Variants in PRUNE2 observed in about 807,000 individuals in gnomAD.
PRUNE2 encodes protein prune homolog 2.
In PRUNE2, 164 loss-of-function variants were observed where a neutral mutation model predicts 252.0. The observed-to-expected ratio is 0.65, with a 90% CI of 0.57 to 0.74. The LOEUF (loss-of-function observed/expected upper bound fraction) is 0.74. Among genes scored for constraint, PRUNE2 ranks in the 30% least tolerant of loss-of-function variants. The probability of loss-of-function intolerance (pLI) is 0.00; values close to 1 mark genes in which losing one functional copy is unlikely to be tolerated. For missense variants in PRUNE2, 3,495 were observed against 3,711.0 expected (o/e 0.94, Z 1.51); for synonymous variants, 1,292 against 1,350.2 (o/e 0.96, Z 0.94).
chr9:76,674,383 C>A (rs1427092051), intron 9 of PRUNE2, among the ~76,000 whole-genome samples: 1 of 152,182 alleles, frequency 6.6e-6, no homozygotes, highest in African/African-American at 2.4e-5. Flanking sequence ...GAACTACACT[C>A]ACTTGAGCAC....
intron 2 of PRUNE2, among the ~76,000 whole-genome samples, chr9:76,852,206 G>A (rs1324788810): frequency 1.3e-5 from 2 of 152,242 alleles, no homozygotes; most frequent in African/African-American, 4.8e-5. Context: ...CTCCAACAAA[G>A]TGGGTTTTCT....
At position 76,704,859 on chromosome 9, in the gene PRUNE2, C is replaced by T; in HGVS notation, c.7415G>A (p.Gly2472Glu). The change falls in exon 8 of 19, where the codon GGA (glycine) becomes GAA (glutamate). Residue 2472 changes from glycine to glutamate, a missense_variant. Physicochemically the swap from Gly to Glu is moderately conservative, Grantham distance 98 (BLOSUM62 -2). Transcript: ENST00000376718. ...EDPESVYLPVGAGSNILSPSN... is the reference protein window; with the variant it reads ...EDPESVYLPVEAGSNILSPSN... ...TGGAGACAAAATGTTGGAGCCTGCTCCTACCGGCAAATAAACGGACTCAGG... is the reference window on the plus strand; with the variant it reads ...TGGAGACAAAATGTTGGAGCCTGCTTCTACCGGCAAATAAACGGACTCAGG... 1.9e-6 allele frequency: 3 copies of T among 1,602,500 alleles called. No homozygotes were observed. Among genetic ancestry groups the T allele is most frequent in the Non-Finnish European group, 2.6e-6 (3 of 1,173,792 alleles).
Position 76,730,002 on chromosome 9 carries a change from A to T in PRUNE2, c.757-16281T>A, listed in dbSNP as rs117951260. ...TTTTCTTGAGAGCATGTTTCATTTCATTTTCTTGTCTTTCCAAAGCATTAA... is the reference window on the plus strand; with the variant it reads ...TTTTCTTGAGAGCATGTTTCATTTCTTTTTCTTGTCTTTCCAAAGCATTAA... On this transcript the variant is annotated intron_variant, in intron 6 of 18. Transcript: ENST00000376718. 7.2e-4 allele frequency among the ~76,000 whole-genome samples: 109 copies of T among 152,264 alleles called. 3 individuals are homozygous for T. In the East Asian group the frequency reaches 0.02, roughly 28 times the overall value.
rs375799109 is a variant in PRUNE2, at chr9:76,707,295, C to G, written c.4979G>C (p.Ser1660Thr). 6.2e-7 allele frequency: 1 copy of G among 1,613,930 alleles called. No individual in the cohort carries two copies. Among genetic ancestry groups the G allele is most frequent in the East Asian group, 2.2e-5 (1 of 44,888 alleles). ...GTCATGTTCATTTTTCTCCTGGTAG[C>G]TAGCAATTAGATTGCTTTCCTGATG... is the stretch of plus-strand genomic sequence containing the variant. ...GTHQESNLIA[S>T]YQEKNEHDIS... The change falls in exon 8 of 19, where the codon AGC (serine) becomes ACC (threonine). Residue 1660 changes from serine to threonine, a missense_variant. Ser to Thr is a moderately conservative substitution (Grantham distance 58, BLOSUM62 1). Coordinates refer to ENST00000376718, the MANE Select transcript of PRUNE2 (RefSeq NM_015225.3).
rs2046591417 is a variant in PRUNE2 at position 76,709,916 on chromosome 9, T to C, written c.2358A>G (p.Thr786=). 2 of 1,613,852 alleles carry C rather than the reference T, an allele frequency of 1.2e-6. No homozygotes were observed. The highest frequency in any genetic ancestry group is 2.2e-5 in the South Asian group (2 of 91,064). ...TAMPEPWGNP[T]DDGEPAAVAP... ...CCACAGCTGCTGGTTCACCATCATC[T>C]GTAGGATTTCCCCAGGGCTCGGGCA... Residue 786 remains threonine, a synonymous_variant, in exon 8 of 19, where the codon ACA becomes ACG. Coordinates refer to ENST00000376718, the MANE Select transcript of PRUNE2 (RefSeq NM_015225.3).
In PRUNE2 at chr9:76,612,204, T is replaced by C. The variant is rs375685189; in HGVS notation, c.*2366A>G. 5 of 152,202 alleles carry C rather than the reference T, an allele frequency of 3.3e-5. No homozygotes were observed. Among genetic ancestry groups the C allele is most frequent in the African/African-American group, 1.2e-4 (5 of 41,454 alleles). 9.4% of individuals were successfully genotyped at this position (152,202 alleles called of 1,614,324 possible). The stretch of plus-strand genomic sequence containing the variant: ...CTACAGAACAGCTGAAACAAAATCA[T>C]TGGGACAAATGCCCATAATTTTCAT... On this transcript the variant is annotated 3_prime_UTR_variant, in exon 19 of 19. Transcript: ENST00000376718.
intron 9 of PRUNE2, among the ~76,000 whole-genome samples, chr9:76,663,483 C>A (rs910254687): frequency 3.3e-5 from 5 of 152,158 alleles, no homozygotes; most frequent in African/African-American, 1.2e-4. Flanking sequence ...GTGGGGGACA[C>A]GACGCAGCCT....
chr9:76,705,040 C>T lies in PRUNE2; in HGVS notation c.7234G>A (p.Glu2412Lys). The part of the protein sequence containing the change: ...TEPAQSAETI[E>K]EAGSPEDESL... The stretch of plus-strand genomic sequence containing the variant: ...TCATCCTCTGGAGACCCAGCTTCCT[C>T]TATTGTTTCAGCACTCTGGGCAGGT... Residue 2412 changes from glutamate (E) to lysine (K), a missense_variant, in exon 8 of 19, where the codon GAG becomes AAG. Physicochemically the swap from Glu to Lys is moderately conservative, Grantham distance 56 (BLOSUM62 1). Coordinates refer to ENST00000376718, the MANE Select transcript of PRUNE2 (RefSeq NM_015225.3). The T allele has an allele frequency of 1.2e-6, 2 of 1,613,982 alleles. No homozygotes were observed. The highest frequency in any genetic ancestry group is 1.7e-6 in the Non-Finnish European group (2 of 1,179,874).
chr9:76,830,117 G>C (rs2058583918), intron 4 of PRUNE2, among the ~76,000 whole-genome samples: 1 of 152,094 alleles, frequency 6.6e-6, no homozygotes, highest in Admixed American at 6.6e-5. Context: ...GATGCATGGG[G>C]GAAAAGATTA....
intron 1 of PRUNE2, among the ~76,000 whole-genome samples, chr9:76,863,619 T>C (rs1427951102): frequency 6.6e-6 from 1 of 152,238 alleles, no homozygotes; most frequent in African/African-American, 2.4e-5. Flanking sequence ...TTATTTAATA[T>C]GACATTATCA....
intron 4 of PRUNE2, among the ~76,000 whole-genome samples, chr9:76,839,118 T>C (rs11791154): frequency 0.19 from 28,167 of 152,030 alleles, 3,353 homozygotes; most frequent in African/African-American, 0.32. Context: ...ACATTAAGAA[T>C]GTTAGAAGGA....
In PRUNE2 at chr9:76,791,329, T is replaced by C. The variant is rs2055535719; in HGVS notation, c.756+32303A>G. ...CCAATTATCATTGGTACAATAATAC[T>C]GCACCAATTATCATTGGTACAATAA... On this transcript the variant is annotated intron_variant, in intron 6 of 18. Coordinates refer to ENST00000376718, the MANE Select transcript of PRUNE2 (RefSeq NM_015225.3). Among the ~76,000 whole-genome samples, 11 of 3,308 alleles carry C rather than the reference T, an allele frequency of 3.3e-3. No individual in the cohort carries two copies. In the South Asian group the frequency reaches 0.12, roughly 38 times the overall value. 2.2% of individuals were successfully genotyped at this position (3,308 alleles called of 152,430 possible).
At position 76,866,652 on chromosome 9, in the gene PRUNE2, C is replaced by A. The variant is rs969425790; in HGVS notation, c.37-12444G>T. Among the ~76,000 whole-genome samples, 6 of 150,544 alleles carry A rather than the reference C, an allele frequency of 4.0e-5. 1 individual carries two copies. The highest frequency in any genetic ancestry group is 8.8e-5 in the Non-Finnish European group (6 of 67,892). ...GAGTTCTCTTTGGCCTCTCTGCTGA[C>A]GTATGTTTGAAAACTTAAGTACAAA... is the stretch of plus-strand genomic sequence containing the variant. On this transcript the variant is annotated intron_variant, in intron 1 of 18. Coordinates refer to ENST00000376718, the MANE Select transcript of PRUNE2 (RefSeq NM_015225.3).
Position 76,708,081 on chromosome 9 carries a change from T to A in PRUNE2, c.4193A>T (p.Glu1398Val). ...VTFSPQTEEP[E>V]EVLEYEEGSY... ...CCCCTCCTCATACTCTAAAACTTCCTCTGGTTCCTCGGTTTGAGGACTGAA... is the reference window on the plus strand; with the variant it reads ...CCCCTCCTCATACTCTAAAACTTCCACTGGTTCCTCGGTTTGAGGACTGAA... Residue 1398 changes from glutamate to valine, a missense_variant, in exon 8 of 19, where the codon GAG becomes GTG. By Grantham distance (121) the Glu-to-Val change is moderately radical. Coordinates refer to ENST00000376718, the MANE Select transcript of PRUNE2 (RefSeq NM_015225.3). 1 of 1,614,002 alleles carries A rather than the reference T, an allele frequency of 6.2e-7. No individual in the cohort carries two copies. Among genetic ancestry groups the A allele is most frequent in the Non-Finnish European group, 8.5e-7 (1 of 1,179,900 alleles).
chr9:76,651,015 G>C (rs1192769255), intron 11 of PRUNE2, among the ~76,000 whole-genome samples: 2 of 152,120 alleles, frequency 1.3e-5, no homozygotes, highest in African/African-American at 4.8e-5. Context: ...TAGAGGAGCT[G>C]CTGAAGACTC....
At chr9:76,619,463 G>T in intron 17 of PRUNE2, 76 bp from the exon 18 acceptor site, 1 of 1,038,418 alleles carries the variant, frequency 9.6e-7, no homozygotes, top group Non-Finnish European at 1.5e-6. Flanking sequence ...CAGATTTGAG[G>T]CATTTGAAAC....
intron 18 of PRUNE2, among the ~76,000 whole-genome samples, chr9:76,614,926 G>C (rs1469083676): frequency 8.5e-5 from 13 of 152,158 alleles, no homozygotes; most frequent in Non-Finnish European, 1.9e-4. Context: ...GTGTATTCCA[G>C]AAATCATGCC....
At chr9:76,814,976 G>A (rs1041914002) in intron 6 of PRUNE2, among the ~76,000 whole-genome samples, 5 of 152,170 alleles carry the variant, frequency 3.3e-5, no homozygotes, top group African/African-American at 1.2e-4. Context: ...TTTGTGGCTA[G>A]AGTCACTAAA....
At chr9:76,667,569 G>A (rs1219345741) in intron 9 of PRUNE2, among the ~76,000 whole-genome samples, 1 of 152,112 alleles carries the variant, frequency 6.6e-6, no homozygotes, top group Non-Finnish European at 1.5e-5. Flanking sequence ...CTGCACTCTT[G>A]CAGTCTGACT....
Sources: gnomAD v4.1 joint callset for allele counts (sites outside exome capture counted in the v4.1 genomes callset) on GRCh38, gnomAD v4.1.1 for gene constraint, MANE v1.5 for transcripts, NCBI Gene and HGNC (gene_info 2026-07-23, HGNC 2026-07-21) for gene names.